Variants in ATXN10 observed in about 807,000 individuals in gnomAD.
ATXN10 encodes the protein ataxin 10.
In ATXN10, 28 loss-of-function variants were observed where a neutral mutation model predicts 52.9. The observed-to-expected ratio is 0.53, with a 90% CI of 0.39 to 0.73. ATXN10 has a LOEUF of 0.73. Ranked by LOEUF, ATXN10 falls within the 30% of genes least tolerant of loss-of-function variation. ATXN10 has a pLI of 0.00. For missense variants in ATXN10, 565 were observed against 577.0 expected (o/e 0.98, Z 0.21); for synonymous variants, 226 against 221.5 (o/e 1.02, Z -0.18).
chr22:45,767,084 G>A (rs867844319), intron 9 of ATXN10, among the ~76,000 whole-genome samples: 1 of 152,210 alleles, frequency 6.6e-6, no homozygotes, highest in Non-Finnish European at 1.5e-5. Context: ...AAATTCATAT[G>A]CATTTGCTTT....
chr22:45,830,432 AT>A (rs1928950557), intron 10 of ATXN10, among the ~76,000 whole-genome samples: 1 of 152,244 alleles, frequency 6.6e-6, no homozygotes, highest in African/African-American at 2.4e-5. Flanking sequence ...AATCCACAGA[AT>A]GGGAGAATAT....
chr22:45,687,631 G>C (rs1420122691), intron 1 of ATXN10, among the ~76,000 whole-genome samples: 1 of 152,162 alleles, frequency 6.6e-6, no homozygotes. Flanking sequence ...GGCAAATAGA[G>C]GTGATTAGTT....
At chr22:45,836,614 C>G (rs958080213) in intron 10 of ATXN10, among the ~76,000 whole-genome samples, 1 of 152,190 alleles carries the variant, frequency 6.6e-6, no homozygotes, top group African/African-American at 2.4e-5. Context: ...AGGACTCCCC[C>G]CTGGGGATGC....
rs984871359 is a variant in ATXN10, at chr22:45,763,956, T to C, written c.1173+23418T>C. On this transcript the variant is annotated intron_variant, in intron 9 of 11. Coordinates refer to ENST00000252934, the MANE Select transcript of ATXN10 (RefSeq NM_013236.4). This position sits in a 1 kb window ranked among gnomAD's most constrained non-coding sequence, Gnocchi z 6.9. ...TCTTATCTAAGGCTGCTACGTGTTATTGGAGAAAATTATAATACCTGACTT... is the reference window on the plus strand; with the variant it reads ...TCTTATCTAAGGCTGCTACGTGTTACTGGAGAAAATTATAATACCTGACTT... Among the ~76,000 whole-genome samples, 1 of 150,966 alleles carries C rather than the reference T, an allele frequency of 6.6e-6. No individual in the cohort carries two copies. Among genetic ancestry groups the C allele is most frequent in the African/African-American group, 2.4e-5 (1 of 41,156 alleles).
chr22:45,740,449 G>T lies in ATXN10; in HGVS notation c.1084G>T (p.Asp362Tyr). The T allele has an allele frequency of 2.5e-6, 4 of 1,613,906 alleles. No homozygotes were observed. The highest frequency in any genetic ancestry group is 3.4e-6 in the Non-Finnish European group (4 of 1,179,916). Reference protein sequence around the residue: ...SNCGCVRAEGDISNVANGFKS... With the variant: ...SNCGCVRAEGYISNVANGFKS... ...TTGTGGTTGCGTGAGAGCAGAAGGT[G>T]ACATCTCCAATGTGGCCAATGGGTT... Residue 362 changes from aspartate (D) to tyrosine (Y), a missense_variant, in exon 9 of 12, where the codon GAC becomes TAC. Physicochemically the swap from Asp to Tyr is radical, Grantham distance 160 (BLOSUM62 -3). Coordinates refer to ENST00000252934, the MANE Select transcript of ATXN10 (RefSeq NM_013236.4).
intron 10 of ATXN10, among the ~76,000 whole-genome samples, chr22:45,813,707 C>T (rs1445073521): frequency 6.6e-6 from 1 of 152,128 alleles, no homozygotes; most frequent in Non-Finnish European, 1.5e-5. Flanking sequence ...TAGAATGGGA[C>T]CTACCCCAAC....
In ATXN10 at chr22:45,672,043, G is replaced by A. The variant is rs956957349; in HGVS notation, c.-21G>A. The A allele has an allele frequency of 2.7e-5, 42 of 1,533,268 alleles. No homozygotes were observed. The highest frequency in any genetic ancestry group is 1.2e-4 in the East Asian group (5 of 40,628). 95.0% of individuals were successfully genotyped at this position (1,533,268 alleles called of 1,614,324 possible). A position where few individuals can be genotyped will look rare whatever the true frequency, so the allele number is the denominator to read the frequency against. On this transcript the variant is annotated 5_prime_UTR_variant, in exon 1 of 12. Coordinates refer to ENST00000252934, the MANE Select transcript of ATXN10 (RefSeq NM_013236.4). ...CGCCTTCCTCCTCCTCGTCAGGCTCGACCCAGCTGTGAGCGGCAAGATGGC... is the reference window on the plus strand; with the variant it reads ...CGCCTTCCTCCTCCTCGTCAGGCTCAACCCAGCTGTGAGCGGCAAGATGGC...
In ATXN10 at chr22:45,843,300, G is replaced by A; in HGVS notation, c.1425+122G>A. ...GGATGGGAGAATTGTGCCCTCTATA[G>A]TGGTTTACCGAGGAAAGCCCTAAAG... On this transcript the variant is annotated intron_variant, in intron 11 of 11. Coordinates refer to ENST00000252934, the MANE Select transcript of ATXN10 (RefSeq NM_013236.4). This position sits in a 1 kb window ranked among gnomAD's most constrained non-coding sequence, Gnocchi z 4.5. 8.8e-7 allele frequency: 1 copy of A among 1,142,200 alleles called. No homozygotes were observed. Among genetic ancestry groups the A allele is most frequent in the South Asian group, 1.3e-5 (1 of 75,236 alleles). The allele number at this position is 1,142,200 out of a possible 1,614,324, so 70.8% of individuals were successfully genotyped here. A position where few individuals can be genotyped will look rare whatever the true frequency, so the allele number is the denominator to read the frequency against.
intron 10 of ATXN10, among the ~76,000 whole-genome samples, chr22:45,832,604 G>T (rs1429746172): frequency 1.3e-5 from 2 of 152,218 alleles, no homozygotes; most frequent in East Asian, 3.8e-4. Context: ...GTTAGCTGTT[G>T]TCTTACCAGT....
rs1185509388 is a variant in ATXN10, at chr22:45,683,425, C to G, written c.117-6287C>G. Among the ~76,000 whole-genome samples, 1 of 152,152 alleles carries G rather than the reference C, an allele frequency of 6.6e-6. No individual in the cohort carries two copies. The highest frequency in any genetic ancestry group is 2.4e-5 in the African/African-American group (1 of 41,438). ...TCCAGGGTGGCTCTGTCTTGTCTCT[C>G]TGAGTCGCACTTCTCTTTTCTCACT... On this transcript the variant is annotated intron_variant, in intron 1 of 11. Transcript: ENST00000252934. The surrounding 1 kb of genome is among the most constrained non-coding windows in gnomAD (Gnocchi z 4.8).
intron 9 of ATXN10, among the ~76,000 whole-genome samples, chr22:45,743,543 GT>G (rs1357557891): frequency 6.6e-6 from 1 of 152,158 alleles, no homozygotes; most frequent in African/African-American, 2.4e-5. Context: ...GTAATTCTCA[GT>G]GTTTTGTCTT....
chr22:45,692,069 G>T (rs188190215), intron 2 of ATXN10, among the ~76,000 whole-genome samples: 47 of 152,324 alleles, frequency 3.1e-4, no homozygotes, highest in Admixed American at 2.8e-3. Flanking sequence ...GGGTGTAAAT[G>T]AGATTACTTA....
chr22:45,770,452 T>A lies in ATXN10; in HGVS notation c.1173+29914T>A, dbSNP rs1230959413. Among the ~76,000 whole-genome samples the A allele has an allele frequency of 6.6e-6, 1 of 152,204 alleles. No individual in the cohort carries two copies. The highest frequency in any genetic ancestry group is 1.5e-5 in the Non-Finnish European group (1 of 68,034). On this transcript the variant is annotated intron_variant, in intron 9 of 11. Transcript: ENST00000252934. This position sits in a 1 kb window ranked among gnomAD's most constrained non-coding sequence, Gnocchi z 4.5. ...GGACACACACGTGTGTTTCTGTGTC[T>A]GTGAATGTGTGTTGCAACATTAGGT...
At position 45,777,927 on chromosome 22, in the gene ATXN10, T is replaced by G. The variant is rs1050964695; in HGVS notation, c.1174-29032T>G. Among the ~76,000 whole-genome samples the G allele has an allele frequency of 4.6e-5, 7 of 152,346 alleles. No homozygotes were observed. In the East Asian group the frequency reaches 1.4e-3, roughly 29 times the overall value. ...TGTAGTGGAAAGAGCTTGATTCTTA[T>G]GAGGATTTAATGTAGGGGTGAGCAG... On this transcript the variant is annotated intron_variant, in intron 9 of 11. Coordinates refer to ENST00000252934, the MANE Select transcript of ATXN10 (RefSeq NM_013236.4).
In ATXN10 at chr22:45,702,739, T is replaced by C. The variant is rs1923887415; in HGVS notation, c.539T>C (p.Ile180Thr). ...AAAATTGTTGCCTACTCTTCAATGA[T>C]TTTGTTTACATCCCTTAATCATGAA... ...DKKIVAYSSM[I>T]LFTSLNHERM... Residue 180 changes from isoleucine (I) to threonine (T), a missense_variant, in exon 5 of 12, where the codon ATT becomes ACT. Coordinates refer to ENST00000252934, the MANE Select transcript of ATXN10 (RefSeq NM_013236.4). 1 of 1,613,932 alleles carries C rather than the reference T, an allele frequency of 6.2e-7. No homozygotes were observed. Among genetic ancestry groups the C allele is most frequent in the Non-Finnish European group, 8.5e-7 (1 of 1,179,966 alleles).
rs1317210716 is a variant in ATXN10, at chr22:45,718,843, G to T, written c.728+350G>T. 6.6e-6 allele frequency among the ~76,000 whole-genome samples: 1 copy of T among 152,090 alleles called. No homozygotes were observed. Among genetic ancestry groups the T allele is most frequent in the Non-Finnish European group, 1.5e-5 (1 of 68,028 alleles). The stretch of plus-strand genomic sequence containing the variant: ...GTGTACTCATTTGTTTAGGTCATGG[G>T]TGTTATTATTTGTGATACACTCTGC... On this transcript the variant is annotated intron_variant, in intron 6 of 11. Transcript: ENST00000252934. This position sits in a 1 kb window ranked among gnomAD's most constrained non-coding sequence, Gnocchi z 4.4.
rs532969420 is a variant in ATXN10, at chr22:45,825,899, T to A, written c.1238-17092T>A. 1.6e-4 allele frequency among the ~76,000 whole-genome samples: 24 copies of A among 152,036 alleles called. 1 individual carries two copies. The South Asian group carries it at 5.0e-3, about 32-fold the overall frequency. On this transcript the variant is annotated intron_variant, in intron 10 of 11. Transcript: ENST00000252934. This position sits in a 1 kb window ranked among gnomAD's most constrained non-coding sequence, Gnocchi z 4.5. Reference sequence around the variant, plus strand: ...AGCCTGGTAACATGGCAAAACCCCATCTCTACAAAAATTAGCCCCAGGCGT... The same window carrying A: ...AGCCTGGTAACATGGCAAAACCCCAACTCTACAAAAATTAGCCCCAGGCGT...
chr22:45,830,544 A>T (rs1420040366), intron 10 of ATXN10, among the ~76,000 whole-genome samples: 3 of 152,302 alleles, frequency 2.0e-5, no homozygotes, highest in East Asian at 1.9e-4. Flanking sequence ...TGGACAAAAG[A>T]CTTGAGTACA....
intron 10 of ATXN10, among the ~76,000 whole-genome samples, chr22:45,838,296 C>T (rs1569084485): frequency 6.6e-6 from 1 of 152,194 alleles, no homozygotes; most frequent in African/African-American, 2.4e-5. Context: ...CAGTGCAGTG[C>T]TGCCTCGGCC....
Sources: gnomAD v4.1 joint callset for allele counts (sites outside exome capture counted in the v4.1 genomes callset) on GRCh38, gnomAD v4.1.1 for gene constraint, Gnocchi (gnomAD v3.1) non-coding constraint, MANE v1.5 for transcripts, NCBI Gene and HGNC (gene_info 2026-07-23, HGNC 2026-07-21) for gene names.